Variants in ATG7 observed in about 807,000 individuals in gnomAD.
The protein encoded by ATG7 is autophagy related 7.
A neutral mutation model predicts 82.4 loss-of-function variants in ATG7; 70 were observed. That is an observed-to-expected ratio of 0.85 (90% CI 0.70 to 1.04). The LOEUF is 1.04. Among genes scored for constraint, ATG7 ranks in the 50% least tolerant of loss-of-function variants. ATG7 has a pLI of 0.00. For missense variants in ATG7, 792 were observed against 864.3 expected, an observed-to-expected ratio of 0.92 and a Z score of 1.05; for synonymous variants, 287 against 313.0, an observed-to-expected ratio of 0.92 and a Z score of 0.88.
chr3:11,559,460 G>T, downstream of ATG7: 1 of 1,552,528 alleles, frequency 6.4e-7, no homozygotes, highest in South Asian at 1.2e-5. Flanking sequence ...CCGGTTCTGC[G>T]GGGAGGAGGG....
chr3:11,426,316 T>A (rs2082358970), intron 19 of ATG7, among the ~76,000 whole-genome samples: 1 of 152,252 alleles, frequency 6.6e-6, no homozygotes, highest in Non-Finnish European at 1.5e-5. Context: ...TTATTGGCTC[T>A]TTGGATATCC....
intron 20 of ATG7, among the ~76,000 whole-genome samples, chr3:11,481,144 T>C (rs897282091): frequency 6.6e-5 from 10 of 152,268 alleles, no homozygotes; most frequent in Admixed American, 2.6e-4. Context: ...TGCAGAGCAC[T>C]GTGTAAGCAC....
chr3:11,492,743 ACT>A (rs1254843140), intron 20 of ATG7, among the ~76,000 whole-genome samples: 1 of 151,932 alleles, frequency 6.6e-6, no homozygotes, highest in African/African-American at 2.4e-5. Context: ...GCAGGACCAA[ACT>A]CTTGTTTGCT....
intron 19 of ATG7, among the ~76,000 whole-genome samples, chr3:11,405,626 T>G (rs1436666592): frequency 6.6e-6 from 1 of 152,138 alleles, no homozygotes; most frequent in African/African-American, 2.4e-5. Flanking sequence ...TTTCTTTTTT[T>G]TTATTATTTT....
intron 20 of ATG7, among the ~76,000 whole-genome samples, chr3:11,512,637 G>A (rs892641121): frequency 6.6e-6 from 1 of 152,150 alleles, no homozygotes; most frequent in Non-Finnish European, 1.5e-5. Flanking sequence ...TGGTCTCGCT[G>A]GCTTCAGGAG....
At chr3:11,288,877 C>T (rs1317876249) in intron 3 of ATG7, 7 of 152,188 alleles carry the variant, frequency 4.6e-5, no homozygotes, top group Non-Finnish European at 8.8e-5. Context: ...TGGTTAACCA[C>T]ACACGCTGCT....
intron 8 of ATG7, 22 bp from the exon 9 acceptor site, chr3:11,315,322 A>G (rs1949249919): frequency 6.5e-7 from 1 of 1,531,130 alleles, no homozygotes; most frequent in Non-Finnish European, 8.8e-7. Flanking sequence ...CTAGAGAATA[A>G]CAACGTGTTT....
intron 20 of ATG7, among the ~76,000 whole-genome samples, chr3:11,511,572 C>G (rs1325348290): frequency 6.6e-6 from 1 of 152,236 alleles, no homozygotes; most frequent in Non-Finnish European, 1.5e-5. Context: ...GTGGAGCTGC[C>G]TGCCAGTCCC....
At chr3:11,545,487 C>T (rs932382872) in intron 20 of ATG7, among the ~76,000 whole-genome samples, 3 of 152,128 alleles carry the variant, frequency 2.0e-5, no homozygotes, top group Non-Finnish European at 4.4e-5. Context: ...CCACGGCCTG[C>T]AGCCGCTCCT....
intron 20 of ATG7, among the ~76,000 whole-genome samples, chr3:11,448,796 C>T (rs903069635): frequency 9.9e-5 from 15 of 152,124 alleles, no homozygotes; most frequent in African/African-American, 3.6e-4. Context: ...GTAAGGGGGT[C>T]GCTGTTCCAA....
At chr3:11,386,013 C>T (rs775993753) in intron 19 of ATG7, among the ~76,000 whole-genome samples, 4 of 152,154 alleles carry the variant, frequency 2.6e-5, no homozygotes, top group Non-Finnish European at 4.4e-5. Flanking sequence ...CACCTAGCAC[C>T]GAGCTTTTTA....
chr3:11,324,197 A>G (rs1194550404), intron 9 of ATG7, among the ~76,000 whole-genome samples: 2 of 152,208 alleles, frequency 1.3e-5, no homozygotes, highest in Non-Finnish European at 2.9e-5. Flanking sequence ...TCGCACAATT[A>G]ATTTGTGGCA....
chr3:11,309,475 G>A lies in ATG7; in HGVS notation c.411+414G>A, dbSNP rs540792643. ...GATTTTTTTTTTTTGTTTTTTTAAA[G>A]ACAGAAACATGTTTTCTGTAAGCGA... On this transcript the variant is annotated intron_variant, in intron 7 of 20. Coordinates refer to ENST00000693202, the MANE Select transcript of ATG7 (RefSeq NM_001349232.2). Among the ~76,000 whole-genome samples the A allele has an allele frequency of 3.1e-4, 46 of 150,320 alleles. No individual in the cohort carries two copies. The South Asian group carries it at 9.0e-3, about 30-fold the overall frequency.
At chr3:11,545,273 A>G (rs1164200150) in intron 20 of ATG7, among the ~76,000 whole-genome samples, 1 of 152,150 alleles carries the variant, frequency 6.6e-6, no homozygotes. Flanking sequence ...AAACTTGGGA[A>G]AGATGATGGG....
intron 19 of ATG7, among the ~76,000 whole-genome samples, chr3:11,394,176 C>T (rs1236577917): frequency 6.6e-6 from 1 of 152,142 alleles, no homozygotes; most frequent in East Asian, 1.9e-4. Flanking sequence ...AAGTTACTAC[C>T]AAGAAGAGCT....
chr3:11,540,640 C>CAA lies in ATG7; in HGVS notation c.2080-14161_2080-14160dup, dbSNP rs35654550. On this transcript the variant is annotated intron_variant, in intron 20 of 20. Coordinates refer to ENST00000693202, the MANE Select transcript of ATG7 (RefSeq NM_001349232.2). ...AGGGCAACACAGTGACACCCCATCT[C>CAA]AAAAAAAAAAAGTCTTATATTTTCT... 1.8e-3 allele frequency among the ~76,000 whole-genome samples: 258 copies of CAA among 146,674 alleles called. 3 individuals are homozygous for CAA. Among genetic ancestry groups the CAA allele is most frequent in the African/African-American group, 5.3e-3 (211 of 39,922 alleles).
intron 20 of ATG7, among the ~76,000 whole-genome samples, chr3:11,458,933 T>A (rs1332722601): frequency 6.6e-6 from 1 of 152,118 alleles, no homozygotes; most frequent in Admixed American, 6.5e-5. Context: ...AACACAATTG[T>A]GAACTGTTCA....
chr3:11,493,110 C>T lies in ATG7; in HGVS notation c.2080-61701C>T, dbSNP rs79217567. On this transcript the variant is annotated intron_variant, in intron 20 of 20. Coordinates refer to ENST00000693202, the MANE Select transcript of ATG7 (RefSeq NM_001349232.2). Reference sequence around the variant, plus strand: ...CCAAAAAAGAATGAGGTCACGTAGACGAATTGAAGTTATGGTGAATGCAGA... The same window carrying T: ...CCAAAAAAGAATGAGGTCACGTAGATGAATTGAAGTTATGGTGAATGCAGA... 4.8e-3 allele frequency among the ~76,000 whole-genome samples: 737 copies of T among 152,282 alleles called. 5 individuals carry two copies. Among genetic ancestry groups the T allele is most frequent in the South Asian group, 0.024 (117 of 4,826 alleles).
chr3:11,573,372 A>G, the ATG7 span, among the ~76,000 whole-genome samples: 22 of 145,880 alleles, frequency 1.5e-4, no homozygotes, highest in Middle Eastern at 3.4e-3. Flanking sequence ...AGAAAGAAAG[A>G]AAGAAAGAAA....
Sources: allele counts gnomAD v4.1 joint callset (sites outside exome capture counted in the v4.1 genomes callset), GRCh38; gene constraint gnomAD v4.1.1; transcripts MANE v1.5; gene names NCBI Gene and HGNC (gene_info 2026-07-23, HGNC 2026-07-21).